The following STIM1 variants were observed in gnomAD, a reference collection of about 807,000 sequenced individuals.
STIM1 encodes the protein stromal interaction molecule 1.
A neutral mutation model predicts 74.7 loss-of-function variants in STIM1; 25 were observed. The observed-to-expected ratio is 0.33, with a 90% CI of 0.24 to 0.47. STIM1 has a LOEUF of 0.47. Among genes scored for constraint, STIM1 ranks in the 20% least tolerant of loss-of-function variants. The pLI is 1.00. For synonymous variants in STIM1, 328 were observed against 348.8 expected (o/e 0.94, Z 0.66); for missense variants, 728 against 920.8 (o/e 0.79, Z 2.71).
At chr11:4,021,046 C>T (rs936265955) in intron 2 of STIM1, among the ~76,000 whole-genome samples, 2 of 151,880 alleles carry the variant, frequency 1.3e-5, no homozygotes, top group Non-Finnish European at 2.9e-5. Flanking sequence ...ATGTTTTCTC[C>T]CATTCTGTAG....
intron 2 of STIM1, among the ~76,000 whole-genome samples, chr11:4,016,091 C>A (rs574879051): frequency 2.0e-5 from 3 of 152,124 alleles, no homozygotes; most frequent in Non-Finnish European, 2.9e-5. Flanking sequence ...CCCTTGCTGG[C>A]GAGGAGTTGT....
Position 3,952,455 on chromosome 11 carries a change from G to A in STIM1, c.140-15097G>A, listed in dbSNP as rs190211655. Among the ~76,000 whole-genome samples, 493 of 152,184 alleles carry A rather than the reference G, an allele frequency of 3.2e-3. 1 individual carries two copies. Among genetic ancestry groups the A allele is most frequent in the Admixed American group, 7.6e-3 (116 of 15,280 alleles). The stretch of plus-strand genomic sequence containing the variant: ...GTTAAGCAGAGAGTAGAAAACTGAT[G>A]GATGAACAACTAACATTTGTATAGA... On this transcript the variant is annotated intron_variant, in intron 1 of 12. Coordinates refer to ENST00000526596, the MANE Select transcript of STIM1 (RefSeq NM_001382567.1).
chr11:4,088,646 T>G, intron 12 of STIM1: 1 of 1,499,570 alleles, frequency 6.7e-7, no homozygotes, highest in Non-Finnish European at 9.0e-7. Flanking sequence ...GGCGGAGAGG[T>G]ACCTGTATCC....
intron 1 of STIM1, among the ~76,000 whole-genome samples, chr11:3,952,210 C>T (rs2093157910): frequency 6.6e-6 from 1 of 151,960 alleles, no homozygotes; most frequent in Non-Finnish European, 1.5e-5. Flanking sequence ...CCCAGGGGTT[C>T]AAGACCAGAC....
intron 1 of STIM1, among the ~76,000 whole-genome samples, chr11:3,954,668 C>T (rs548618967): frequency 2.0e-5 from 3 of 152,164 alleles, no homozygotes; most frequent in Admixed American, 2.0e-4. Context: ...TCAGAATTTG[C>T]AGGTTAAGAA....
At chr11:3,892,620 G>A in intron 1 of STIM1, 4 of 1,603,826 alleles carry the variant, frequency 2.5e-6, no homozygotes, top group Admixed American at 1.7e-5. Flanking sequence ...GTATGCTTTA[G>A]GATGAAGTTC....
intron 2 of STIM1, among the ~76,000 whole-genome samples, chr11:3,985,091 T>C (rs1409051903): frequency 6.6e-6 from 1 of 152,152 alleles, no homozygotes; most frequent in Non-Finnish European, 1.5e-5. Flanking sequence ...AGATACAAGA[T>C]GAGGCAGCAG....
intron 3 of STIM1, among the ~76,000 whole-genome samples, chr11:4,032,609 C>G (rs1590662109): frequency 6.6e-6 from 1 of 152,142 alleles, no homozygotes; most frequent in Non-Finnish European, 1.5e-5. Flanking sequence ...TTTGAGAGAA[C>G]TGACATCTTC....
chr11:3,988,045 TTGCCAAGTCTATTGAAGTGG>T (rs2093573720), intron 2 of STIM1, among the ~76,000 whole-genome samples: 2 of 152,194 alleles, frequency 1.3e-5, no homozygotes, highest in African/African-American at 4.8e-5. Flanking sequence ...CTAATTCTTT[TTGCCAAGTCTATTGAAGTGG>T]GTGTTCTATT....
chr11:3,890,707 C>CA (rs139318134), intron 1 of STIM1, among the ~76,000 whole-genome samples: 9,541 of 149,652 alleles, frequency 0.064, 444 homozygotes, highest in Non-Finnish European at 0.093. Flanking sequence ...GACTCTATTG[C>CA]AAAAAAAAAG....
chr11:4,022,350 A>T (rs1264948629), intron 2 of STIM1, among the ~76,000 whole-genome samples: 1 of 151,248 alleles, frequency 6.6e-6, no homozygotes, highest in East Asian at 1.9e-4. Context: ...AAAAAAAAAA[A>T]AAAAAAGAGA....
intron 1 of STIM1, among the ~76,000 whole-genome samples, chr11:3,860,528 C>T (rs2090555707): frequency 6.6e-6 from 1 of 152,182 alleles, no homozygotes; most frequent in Non-Finnish European, 1.5e-5. Context: ...CTGTGGGAAG[C>T]CCAGAGGAGT....
intron 2 of STIM1, among the ~76,000 whole-genome samples, chr11:4,006,949 CTCT>C (rs1480051467): frequency 1.3e-5 from 2 of 152,148 alleles, no homozygotes; most frequent in Non-Finnish European, 2.9e-5. Context: ...AGGTGTGCTG[CTCT>C]TCTTCTGGCT....
chr11:3,956,162 CAG>C (rs1256411217), intron 1 of STIM1, among the ~76,000 whole-genome samples: 2 of 152,182 alleles, frequency 1.3e-5, no homozygotes, highest in Admixed American at 1.3e-4. Context: ...AGGTTATAAG[CAG>C]AGAGTGACTA....
intron 1 of STIM1, among the ~76,000 whole-genome samples, chr11:3,927,300 C>T (rs1292077907): frequency 6.6e-6 from 1 of 152,134 alleles, no homozygotes; most frequent in Non-Finnish European, 1.5e-5. Context: ...ACTGGATGCC[C>T]TATGTTGTTA....
At chr11:3,978,585 A>G (rs896830539) in intron 2 of STIM1, among the ~76,000 whole-genome samples, 1 of 147,370 alleles carries the variant, frequency 6.8e-6, no homozygotes, top group Non-Finnish European at 1.5e-5. Context: ...ACATGGTGAA[A>G]CCCCGTCTCT....
At chr11:3,922,693 C>CTG (rs2092732790) in intron 1 of STIM1, 1 of 198,648 alleles carries the variant, frequency 5.0e-6, no homozygotes, top group African/African-American at 2.3e-5. Flanking sequence ...GGAAGACACT[C>CTG]TGTGACAGCG....
rs201377729 is a variant in STIM1, at chr11:4,091,982, A to G, written c.*184A>G. 31 of 821,738 alleles carry G rather than the reference A, an allele frequency of 3.8e-5. No homozygotes were observed. The South Asian group carries it at 4.5e-4, about 12-fold the overall frequency. 50.9% of individuals were successfully genotyped at this position (821,738 alleles called of 1,614,324 possible). A position where few individuals can be genotyped will look rare whatever the true frequency, so the allele number is the denominator to read the frequency against. On this transcript the variant is annotated 3_prime_UTR_variant, in exon 13 of 13. Transcript: ENST00000526596. The stretch of plus-strand genomic sequence containing the variant: ...GTCCTTCATTATTATTTATTAACTG[A>G]CCACCATGGCCTGCCTGCCCTGCCT...
chr11:3,949,812 T>C (rs896861701), intron 1 of STIM1, among the ~76,000 whole-genome samples: 11 of 152,208 alleles, frequency 7.2e-5, no homozygotes, highest in Admixed American at 2.0e-4. Context: ...GGCCAGGATA[T>C]TGACATTGAC....
Sources: gnomAD v4.1 joint callset for allele counts (sites outside exome capture counted in the v4.1 genomes callset) on GRCh38, gnomAD v4.1.1 for gene constraint, MANE v1.5 for transcripts, NCBI Gene and HGNC (gene_info 2026-07-23, HGNC 2026-07-21) for gene names.